Variants in CNTN5 observed in about 807,000 individuals in gnomAD.
CNTN5 encodes contactin 5.
In CNTN5, 77 loss-of-function variants were observed where a neutral mutation model predicts 129.1. The observed-to-expected ratio is 0.60, with a 90% CI of 0.50 to 0.72. CNTN5 has a LOEUF of 0.72. Among genes scored for constraint, CNTN5 ranks in the 30% least tolerant of loss-of-function variants. The probability of loss-of-function intolerance (pLI) is 0.00; values close to 1 mark genes in which losing one functional copy is unlikely to be tolerated. For synonymous variants in CNTN5, 509 were observed against 465.6 expected, an observed-to-expected ratio of 1.09 and a Z score of -1.20; for missense variants, 1,478 against 1,328.8, an observed-to-expected ratio of 1.11 and a Z score of -1.75.
In CNTN5 at chr11:99,113,101, C is replaced by T. The variant is rs76437339; in HGVS notation, c.-210+91831C>T. ...CATGAATTAACTAAAATATAATCTACGGTACTTTTAAAAATACATACACAC... is the reference window on the plus strand; with the variant it reads ...CATGAATTAACTAAAATATAATCTATGGTACTTTTAAAAATACATACACAC... On this transcript the variant is annotated intron_variant, in intron 1 of 24. Transcript: ENST00000524871. 7.6e-3 allele frequency among the ~76,000 whole-genome samples: 1,162 copies of T among 152,060 alleles called. 18 individuals carry two copies. Among genetic ancestry groups the T allele is most frequent in the African/African-American group, 0.026 (1,083 of 41,510 alleles).
chr11:100,060,581 T>G (rs1943423201), intron 9 of CNTN5, among the ~76,000 whole-genome samples: 1 of 152,040 alleles, frequency 6.6e-6, no homozygotes, highest in Non-Finnish European at 1.5e-5. Context: ...TAAGCACATA[T>G]ATGTTAGTAA....
intron 3 of CNTN5, among the ~76,000 whole-genome samples, chr11:99,766,435 T>C (rs1944757256): frequency 6.6e-6 from 1 of 152,042 alleles, no homozygotes; most frequent in Non-Finnish European, 1.5e-5. Flanking sequence ...CACTAGATGG[T>C]AACAACAGTG....
chr11:99,947,036 T>TTCATCATAAATACGATATAA (rs71463600), intron 7 of CNTN5, among the ~76,000 whole-genome samples: 4 of 151,320 alleles, frequency 2.6e-5, no homozygotes, highest in Non-Finnish European at 4.4e-5. Context: ...GAGTATGTTT[T>TTCATCATAAATACGATATAA]ACATTATAAA....
At chr11:99,056,532 C>A (rs1421796763) in intron 1 of CNTN5, among the ~76,000 whole-genome samples, 1 of 151,938 alleles carries the variant, frequency 6.6e-6, no homozygotes, top group Non-Finnish European at 1.5e-5. Flanking sequence ...GAACTGCTGC[C>A]AGTAGATGCT....
At chr11:99,668,399 A>G (rs1952888926) in intron 3 of CNTN5, among the ~76,000 whole-genome samples, 1 of 152,118 alleles carries the variant, frequency 6.6e-6, no homozygotes, top group Non-Finnish European at 1.5e-5. Flanking sequence ...TGATTCTCGT[A>G]TCCTTCTTGT....
intron 2 of CNTN5, among the ~76,000 whole-genome samples, chr11:99,401,269 T>C (rs1941792792): frequency 6.6e-6 from 1 of 152,148 alleles, no homozygotes; most frequent in Non-Finnish European, 1.5e-5. Context: ...TGGTCAGAGA[T>C]AGGGATCTAG....
chr11:99,344,625 A>G, intron 2 of CNTN5, among the ~76,000 whole-genome samples: 1 of 152,202 alleles, frequency 6.6e-6, no homozygotes, highest in Non-Finnish European at 1.5e-5. Context: ...ATAAGAGCAA[A>G]ATAAGTAAAT....
intron 6 of CNTN5, among the ~76,000 whole-genome samples, chr11:99,892,811 G>T (rs1949099526): frequency 6.6e-6 from 1 of 152,064 alleles, no homozygotes; most frequent in African/African-American, 2.4e-5. Context: ...GGCTATGTGG[G>T]CTCTTTTTTG....
intron 3 of CNTN5, among the ~76,000 whole-genome samples, chr11:99,815,756 G>A (rs970491392): frequency 1.3e-5 from 2 of 152,130 alleles, no homozygotes; most frequent in Non-Finnish European, 2.9e-5. Context: ...TAACAAAAGT[G>A]GGTCTCTGTT....
At chr11:100,008,104 A>G (rs1377346194) in intron 9 of CNTN5, among the ~76,000 whole-genome samples, 1 of 152,116 alleles carries the variant, frequency 6.6e-6, no homozygotes, top group East Asian at 1.9e-4. Context: ...GGCATAGTTC[A>G]TGGAGCTTCA....
chr11:99,930,721 G>A (rs1950170894), intron 7 of CNTN5, among the ~76,000 whole-genome samples: 1 of 151,722 alleles, frequency 6.6e-6, no homozygotes, highest in African/African-American at 2.4e-5. Flanking sequence ...TAACTAAATT[G>A]TTGTCTGAAT....
chr11:100,118,648 T>A (rs1399115262), intron 13 of CNTN5, among the ~76,000 whole-genome samples: 1 of 151,898 alleles, frequency 6.6e-6, no homozygotes, highest in African/African-American at 2.4e-5. Context: ...ATTGATTTTA[T>A]ATTAGTGTCA....
chr11:100,320,477 C>T (rs72987662), intron 21 of CNTN5, among the ~76,000 whole-genome samples: 8,073 of 152,124 alleles, frequency 0.053, 312 homozygotes, highest in Middle Eastern at 0.11. Flanking sequence ...GATATTTTTG[C>T]CCATTCTGTA....
At chr11:99,663,797 A>C (rs1477569380) in intron 3 of CNTN5, among the ~76,000 whole-genome samples, 1 of 152,106 alleles carries the variant, frequency 6.6e-6, no homozygotes, top group Non-Finnish European at 1.5e-5. Context: ...GGGCATGCAA[A>C]AGTGTGAGTC....
intron 13 of CNTN5, among the ~76,000 whole-genome samples, chr11:100,154,340 C>T (rs1947163860): frequency 1.1e-5 from 1 of 90,208 alleles, no homozygotes; most frequent in Non-Finnish European, 2.0e-5. Context: ...TTTCTTTATC[C>T]AGTCTATCAA....
chr11:99,495,142 G>T (rs942290011), intron 2 of CNTN5, among the ~76,000 whole-genome samples: 3 of 152,136 alleles, frequency 2.0e-5, no homozygotes, highest in Non-Finnish European at 2.9e-5. Context: ...GGCTAAGGCG[G>T]CAGATCACGA....
intron 4 of CNTN5, among the ~76,000 whole-genome samples, chr11:99,825,779 T>A (rs952640424): frequency 1.3e-5 from 2 of 152,138 alleles, no homozygotes; most frequent in African/African-American, 2.4e-5. Context: ...TTAATAGACT[T>A]CCCTGTGGAA....
At chr11:100,107,834 A>T (rs955074924) in intron 13 of CNTN5, among the ~76,000 whole-genome samples, 2 of 152,098 alleles carry the variant, frequency 1.3e-5, no homozygotes, top group Non-Finnish European at 2.9e-5. Context: ...ACATTTTAAC[A>T]TATAAGCCTA....
chr11:99,882,124 A>G (rs1948787101), intron 6 of CNTN5, among the ~76,000 whole-genome samples: 1 of 152,236 alleles, frequency 6.6e-6, no homozygotes, highest in East Asian at 1.9e-4. Context: ...GCTAAAAGGC[A>G]AAATGCTAAT....
Sources: gnomAD v4.1 joint callset for allele counts (sites outside exome capture counted in the v4.1 genomes callset) on GRCh38, gnomAD v4.1.1 for gene constraint, MANE v1.5 for transcripts, NCBI Gene and HGNC (gene_info 2026-07-23, HGNC 2026-07-21) for gene names.